TENM2: variants seen among roughly 807,000 people sequenced by gnomAD.
TENM2 encodes teneurin transmembrane protein 2.
A neutral mutation model predicts 245.2 loss-of-function variants in TENM2; 52 were observed. The ratio of observed to expected loss-of-function variants is 0.21; its 90% confidence interval spans 0.17 to 0.27. The LOEUF (loss-of-function observed/expected upper bound fraction) is 0.27, where lower values mean the gene tolerates loss of function less well. Ranked by LOEUF, TENM2 falls within the 10% of genes least tolerant of loss-of-function variation. TENM2 has a pLI of 1.00. For missense variants in TENM2, 3,046 were observed against 3,666.8 expected, an observed-to-expected ratio of 0.83 and a Z score of 4.37; for synonymous variants, 1,363 against 1,438.9, an observed-to-expected ratio of 0.95 and a Z score of 1.19.
chr5:167,533,290 G>T (rs1582311577), intron 2 of TENM2, among the ~76,000 whole-genome samples: 1 of 152,190 alleles, frequency 6.6e-6, no homozygotes. Context: ...AACTTGGTAA[G>T]AATGAAGTTT....
the TENM2 span, among the ~76,000 whole-genome samples, chr5:167,165,943 G>C: frequency 6.6e-6 from 1 of 152,158 alleles, no homozygotes; most frequent in Non-Finnish European, 1.5e-5. Context: ...CAGAATTCTA[G>C]ATTGCTTCTG....
chr5:167,519,251 T>A (rs912170573), intron 2 of TENM2, among the ~76,000 whole-genome samples: 3 of 152,142 alleles, frequency 2.0e-5, no homozygotes, highest in Non-Finnish European at 2.9e-5. Flanking sequence ...AAGACAGAAA[T>A]CATCAATATC....
rs74335069 is a variant in TENM2, at chr5:167,604,106, A to G, written c.502+228633A>G. Among the ~76,000 whole-genome samples, 31 of 152,332 alleles carry G rather than the reference A, an allele frequency of 2.0e-4. 1 individual carries two copies. In the East Asian group the frequency reaches 5.6e-3, roughly 27 times the overall value. ...TTCTTAAAATTAACTAAATTTAAAA[A>G]GATAAAAAGAGGTAGATGAGAGGAA... On this transcript the variant is annotated intron_variant, in intron 2 of 28. Coordinates refer to ENST00000518659, the Ensembl canonical transcript of TENM2.
chr5:167,167,497 T>C, the TENM2 span, among the ~76,000 whole-genome samples: 1 of 152,120 alleles, frequency 6.6e-6, no homozygotes, highest in South Asian at 2.1e-4. Context: ...GTTTCCACAT[T>C]CTTCACCCAC....
chr5:167,206,852 G>A, the TENM2 span, among the ~76,000 whole-genome samples: 2 of 152,068 alleles, frequency 1.3e-5, no homozygotes, highest in African/African-American at 4.8e-5. Flanking sequence ...ATGTTACTAT[G>A]ACTTGAGATA....
At chr5:168,197,999 T>C (rs1403789841) in intron 15 of TENM2, among the ~76,000 whole-genome samples, 5 of 152,158 alleles carry the variant, frequency 3.3e-5, no homozygotes, top group Admixed American at 3.3e-4. Context: ...AACATTCTAT[T>C]AGCCTAGGAC....
chr5:168,057,087 A>G (rs1231914480), intron 6 of TENM2, among the ~76,000 whole-genome samples: 3 of 152,184 alleles, frequency 2.0e-5, no homozygotes, highest in African/African-American at 7.2e-5. Context: ...ATATATGTAC[A>G]TATATATGAG....
rs190870079 is a variant in TENM2 at position 168,045,905 on chromosome 5, C to T, written c.1187-1522C>T. On this transcript the variant is annotated intron_variant, in intron 5 of 28. Transcript: ENST00000518659. ...CTTCAAGTGAGTGACCTACATATAA[C>T]GGACAAACTGCAGGAGAAAATTAGG... Among the ~76,000 whole-genome samples the T allele has an allele frequency of 3.5e-3, 526 of 152,206 alleles. 5 individuals are homozygous for T. Among genetic ancestry groups the T allele is most frequent in the Non-Finnish European group, 5.2e-3 (357 of 68,012 alleles).
At chr5:167,875,685 G>A (rs905468807) in intron 2 of TENM2, among the ~76,000 whole-genome samples, 2 of 152,148 alleles carry the variant, frequency 1.3e-5, no homozygotes, top group South Asian at 2.1e-4. Flanking sequence ...TGAGGACTTA[G>A]ATTAGGACTG....
chr5:167,697,938 G>A (rs990218156), intron 2 of TENM2, among the ~76,000 whole-genome samples: 4 of 152,108 alleles, frequency 2.6e-5, no homozygotes, highest in Admixed American at 6.5e-5. Flanking sequence ...ATAAGTCATC[G>A]GGAACTTGAA....
chr5:167,002,976 C>G, the TENM2 span, among the ~76,000 whole-genome samples: 1 of 148,194 alleles, frequency 6.7e-6, no homozygotes, highest in Non-Finnish European at 1.5e-5. Context: ...TGCTTGATGA[C>G]TTTTTTTTTT....
At chr5:167,469,218 T>C (rs1362851222) in intron 2 of TENM2, among the ~76,000 whole-genome samples, 2 of 152,142 alleles carry the variant, frequency 1.3e-5, no homozygotes, top group African/African-American at 4.8e-5. Flanking sequence ...TAACGCTGCA[T>C]CAAAATGCAT....
At chr5:167,899,750 C>T (rs1392744945) in intron 3 of TENM2, among the ~76,000 whole-genome samples, 1 of 152,146 alleles carries the variant, frequency 6.6e-6, no homozygotes, top group African/African-American at 2.4e-5. Flanking sequence ...CTGGTTGTTC[C>T]AGACAGAGTT....
At chr5:167,092,993 T>C in the TENM2 span, among the ~76,000 whole-genome samples, 1 of 152,194 alleles carries the variant, frequency 6.6e-6, no homozygotes, top group Non-Finnish European at 1.5e-5. Context: ...TAATATTCCA[T>C]GACTTTATCG....
At chr5:168,117,513 T>C (rs1435079061) in intron 9 of TENM2, among the ~76,000 whole-genome samples, 1 of 152,194 alleles carries the variant, frequency 6.6e-6, no homozygotes, top group Non-Finnish European at 1.5e-5. Flanking sequence ...AGATTAACAA[T>C]AATAATAAAA....
the TENM2 span, among the ~76,000 whole-genome samples, chr5:167,038,972 A>G: frequency 6.6e-6 from 1 of 152,216 alleles, no homozygotes; most frequent in Non-Finnish European, 1.5e-5. Flanking sequence ...AGCATCTGAG[A>G]TCCTTGCCAA....
At chr5:168,095,663 A>G (rs888473128) in intron 8 of TENM2, among the ~76,000 whole-genome samples, 15 of 152,250 alleles carry the variant, frequency 9.9e-5, no homozygotes, top group African/African-American at 3.6e-4. Context: ...TGTCTTTGTC[A>G]CCATGGTATC....
At chr5:168,183,932 C>T (rs1489608076) in intron 13 of TENM2, among the ~76,000 whole-genome samples, 1 of 152,096 alleles carries the variant, frequency 6.6e-6, no homozygotes, top group Non-Finnish European at 1.5e-5. Context: ...CGTGGATTAC[C>T]TCTGTGGATC....
At chr5:167,163,874 A>G in the TENM2 span, among the ~76,000 whole-genome samples, 2 of 152,134 alleles carry the variant, frequency 1.3e-5, no homozygotes, top group African/African-American at 4.8e-5. Flanking sequence ...GGAGACTTGG[A>G]GGGAAAGAAA....
Sources: allele counts gnomAD v4.1 joint callset (sites outside exome capture counted in the v4.1 genomes callset), GRCh38; gene constraint gnomAD v4.1.1; transcripts MANE v1.5; gene names NCBI Gene and HGNC (gene_info 2026-07-23, HGNC 2026-07-21).